The following ZBTB1 variants were observed in gnomAD, a reference collection of about 807,000 sequenced individuals.
ZBTB1 encodes the protein zinc finger and BTB domain containing 1.
Under a neutral mutation model 51.6 loss-of-function variants are expected in ZBTB1, and 13 were observed. The observed-to-expected ratio is 0.25, with a 90% confidence interval of 0.16 to 0.40. ZBTB1 has a LOEUF of 0.40. Among genes scored for constraint, ZBTB1 ranks in the 10% least tolerant of loss-of-function variants. The probability of loss-of-function intolerance (pLI) is 1.00; values close to 1 mark genes in which losing one functional copy is unlikely to be tolerated. For missense variants in ZBTB1, 567 were observed against 856.5 expected, an observed-to-expected ratio of 0.66 and a Z score of 4.22; for synonymous variants, 240 against 282.2, an observed-to-expected ratio of 0.85 and a Z score of 1.50.
At chr14:64,531,354 G>T (rs1258169571) in intron 2 of ZBTB1, among the ~76,000 whole-genome samples, 1 of 152,008 alleles carries the variant, frequency 6.6e-6, no homozygotes. Flanking sequence ...CTAGGAATTT[G>T]CAGGAAAACC....
chr14:64,505,663 T>A (rs1183377312), intron 1 of ZBTB1, among the ~76,000 whole-genome samples: 4 of 152,158 alleles, frequency 2.6e-5, no homozygotes, highest in Non-Finnish European at 5.9e-5. Context: ...CCAGTCTCCC[T>A]TTCTACCTAA....
intron 1 of ZBTB1, among the ~76,000 whole-genome samples, chr14:64,506,605 G>T (rs1194655266): frequency 6.6e-6 from 1 of 152,184 alleles, no homozygotes; most frequent in Non-Finnish European, 1.5e-5. Flanking sequence ...TTTTCCAAAG[G>T]TTAATAAACA....
chr14:64,531,852 G>A (rs768383661), intron 2 of ZBTB1: 3 of 1,613,670 alleles, frequency 1.9e-6, no homozygotes, highest in Non-Finnish European at 1.7e-6. Context: ...GTCTTTTTCT[G>A]TGTGGCAGTG....
chr14:64,521,740 T>C lies in ZBTB1; in HGVS notation c.236T>C (p.Leu79Ser), dbSNP rs2079861791. The change falls in exon 2 of 2, where the codon TTG becomes TCG. Residue 79 changes from leucine to serine, a missense_variant. Leu to Ser is a moderately radical substitution (Grantham distance 145). Transcript: ENST00000683701. ...AGTGCAGAATGTTTTGATCTCATTT[T>C]GCAGTTTATGTATTTAGGAAAAATT... is the stretch of plus-strand genomic sequence containing the variant. ...KISAECFDLI[L>S]QFMYLGKIMT... 6.2e-7 allele frequency: 1 copy of C among 1,613,512 alleles called. No individual in the cohort carries two copies. Among genetic ancestry groups the C allele is most frequent in the Non-Finnish European group, 8.5e-7 (1 of 1,180,038 alleles).
intron 1 of ZBTB1, among the ~76,000 whole-genome samples, chr14:64,521,243 C>T (rs556776368): frequency 2.6e-5 from 4 of 152,126 alleles, no homozygotes; most frequent in Non-Finnish European, 5.9e-5. Flanking sequence ...TGTAATGAAA[C>T]TAAAACTGTC....
chr14:64,522,417 A>T lies in ZBTB1; in HGVS notation c.913A>T (p.Ser305Cys), dbSNP rs775384895. 1 of 1,614,082 alleles carries T rather than the reference A, an allele frequency of 6.2e-7. No homozygotes were observed. Among genetic ancestry groups the T allele is most frequent in the South Asian group, 1.1e-5 (1 of 91,040 alleles). The change falls in exon 2 of 2, where the codon AGC becomes TGC. Residue 305 changes from serine to cysteine, a missense_variant. Ser to Cys is a moderately radical substitution (Grantham distance 112). This residue lies in a region of ZBTB1 where 329 missense variants were observed against 406.3 expected (regional missense o/e 0.81). Coordinates refer to ENST00000683701, the MANE Select transcript of ZBTB1 (RefSeq NM_001123329.2). ...TTCAACCACTGGAAGCAGAAAAAGT[A>T]GCACAGTGGAGTCTGAAATAGCAAG... ...SASTTGSRKS[S>C]TVESEIASEE...
chr14:64,523,285 G>A lies in ZBTB1; in HGVS notation c.1781G>A (p.Arg594Lys). 6.2e-7 allele frequency: 1 copy of A among 1,614,160 alleles called. No homozygotes were observed. The highest frequency in any genetic ancestry group is 8.5e-7 in the Non-Finnish European group (1 of 1,180,008). ...GGATTTTATCAGCGGTGTCACTTAA[G>A]AGAACACTATACTGTTCATACTAAG... The part of the protein sequence containing the change: ...GKGFYQRCHL[R>K]EHYTVHTKEK... The change falls in exon 2 of 2, where the codon AGA (arginine) becomes AAA (lysine). Residue 594 changes from arginine (R) to lysine (K), a missense_variant. By Grantham distance (26) the Arg-to-Lys change is conservative. Coordinates refer to ENST00000683701, the MANE Select transcript of ZBTB1 (RefSeq NM_001123329.2). The surrounding 1 kb of genome is among the most constrained non-coding windows in gnomAD (Gnocchi z 4.5).
rs71123855 is a variant in ZBTB1 at position 64,518,904 on chromosome 14, GTATATATATATATATATA to G, written c.-18-2568_-18-2551del. On this transcript the variant is annotated intron_variant, in intron 1 of 1. Coordinates refer to ENST00000683701, the MANE Select transcript of ZBTB1 (RefSeq NM_001123329.2). ...AATGAAGAAAACTAGTTGCAGAGAG[GTATATATATATATATATA>G]TATATATATATATAGTATGATACCA... 8.5e-4 allele frequency among the ~76,000 whole-genome samples: 81 copies of G among 95,124 alleles called. 6 individuals are homozygous for G. The highest frequency in any genetic ancestry group is 1.8e-4 in the Non-Finnish European group (9 of 50,312). The allele number at this position is 95,124 out of a possible 152,430, so 62.4% of individuals were successfully genotyped here.
rs1433268833 is a variant in ZBTB1, at chr14:64,523,964, A to T, written c.*318A>T. 1 of 1,029,132 alleles carries T rather than the reference A, an allele frequency of 9.7e-7. No individual in the cohort carries two copies. The highest frequency in any genetic ancestry group is 1.2e-6 in the Non-Finnish European group (1 of 850,858). 63.8% of individuals were successfully genotyped at this position (1,029,132 alleles called of 1,614,324 possible). A position where few individuals can be genotyped will look rare whatever the true frequency, so the allele number is the denominator to read the frequency against. On this transcript the variant is annotated 3_prime_UTR_variant, in exon 2 of 2. Transcript: ENST00000683701. The surrounding 1 kb of genome is among the most constrained non-coding windows in gnomAD (Gnocchi z 4.5). Reference sequence around the variant, plus strand: ...TTAGTTTTTCATCAATAAGGTGATGACTTCACTATTTCTATGTGTTTTTTT... The same window carrying T: ...TTAGTTTTTCATCAATAAGGTGATGTCTTCACTATTTCTATGTGTTTTTTT...
chr14:64,526,329 TG>T (rs1030067062), downstream of ZBTB1, among the ~76,000 whole-genome samples: 2 of 152,208 alleles, frequency 1.3e-5, no homozygotes, highest in African/African-American at 4.8e-5. Context: ...CTTCCTCTCC[TG>T]GGGCAGAGCT....
rs1377119023 is a variant in ZBTB1 at position 64,523,679 on chromosome 14, A to G, written c.*33A>G. 33 of 1,501,754 alleles carry G rather than the reference A, an allele frequency of 2.2e-5. No homozygotes were observed. Among genetic ancestry groups the G allele is most frequent in the Non-Finnish European group, 2.9e-5 (33 of 1,122,940 alleles). 93.0% of individuals were successfully genotyped at this position (1,501,754 alleles called of 1,614,324 possible). A position where few individuals can be genotyped will look rare whatever the true frequency, so the allele number is the denominator to read the frequency against. On this transcript the variant is annotated 3_prime_UTR_variant, in exon 2 of 2. Transcript: ENST00000683701. The surrounding 1 kb of genome is among the most constrained non-coding windows in gnomAD (Gnocchi z 4.5). ...TCTACTGTACTAATGTTTAGATGAT[A>G]GCAGATAAAACACCAAAGCAAAGGA...
In ZBTB1 at chr14:64,523,970, C is replaced by G; in HGVS notation, c.*324C>G. The G allele has an allele frequency of 9.8e-7, 1 of 1,019,490 alleles. No individual in the cohort carries two copies. The highest frequency in any genetic ancestry group is 1.2e-6 in the Non-Finnish European group (1 of 844,524). 63.2% of individuals were successfully genotyped at this position (1,019,490 alleles called of 1,614,324 possible). A position where few individuals can be genotyped will look rare whatever the true frequency, so the allele number is the denominator to read the frequency against. On this transcript the variant is annotated 3_prime_UTR_variant, in exon 2 of 2. Coordinates refer to ENST00000683701, the MANE Select transcript of ZBTB1 (RefSeq NM_001123329.2). This position sits in a 1 kb window ranked among gnomAD's most constrained non-coding sequence, Gnocchi z 4.5. ...TTTCATCAATAAGGTGATGACTTCA[C>G]TATTTCTATGTGTTTTTTTTTTTTT...
intron 1 of ZBTB1, chr14:64,514,216 A>G (rs2079756177): frequency 6.6e-6 from 1 of 152,232 alleles, no homozygotes; most frequent in Non-Finnish European, 1.5e-5. Context: ...CCTATAAGAC[A>G]TAGAAATAGG....
At chr14:64,525,034 T>G, downstream of ZBTB1, 3 of 713,412 alleles carry the variant, frequency 4.2e-6, no homozygotes, top group Non-Finnish European at 5.2e-6. Flanking sequence ...TTTAAAAATA[T>G]AAATTTGTGA....
chr14:64,513,036 CTT>C (rs1375913355), intron 1 of ZBTB1, among the ~76,000 whole-genome samples: 3 of 152,166 alleles, frequency 2.0e-5, no homozygotes, highest in South Asian at 4.1e-4. Flanking sequence ...GAAAATGAGT[CTT>C]ATAGCAGCAT....
intron 1 of ZBTB1, among the ~76,000 whole-genome samples, chr14:64,505,747 A>G (rs753415249): frequency 2.0e-5 from 3 of 152,206 alleles, no homozygotes; most frequent in Non-Finnish European, 2.9e-5. Flanking sequence ...AGGTTGATGA[A>G]AATCCTTGAC....
At chr14:64,519,658 G>A (rs1181997802) in intron 1 of ZBTB1, among the ~76,000 whole-genome samples, 2 of 150,416 alleles carry the variant, frequency 1.3e-5, no homozygotes, top group Non-Finnish European at 3.0e-5. Context: ...TGTGCCTACA[G>A]TCCCAGCTAC....
chr14:64,525,347 A>G (rs2079896205), downstream of ZBTB1, among the ~76,000 whole-genome samples: 1 of 152,214 alleles, frequency 6.6e-6, no homozygotes, highest in South Asian at 2.1e-4. Context: ...AAAAGCAGGA[A>G]AAGTGATTCA....
At chr14:64,529,853 T>C (rs1441534632), downstream of ZBTB1, among the ~76,000 whole-genome samples, 1 of 152,172 alleles carries the variant, frequency 6.6e-6, no homozygotes, top group Non-Finnish European at 1.5e-5. Context: ...AGGTGATTGA[T>C]TTGATTAAGA....
Sources: allele counts gnomAD v4.1 joint callset (sites outside exome capture counted in the v4.1 genomes callset), GRCh38; gene constraint gnomAD v4.1.1; regional missense constraint gnomAD v4.1.1; non-coding constraint Gnocchi (gnomAD v3.1); transcripts MANE v1.5; gene names NCBI Gene and HGNC (gene_info 2026-07-23, HGNC 2026-07-21).